TNIP1: variants seen among roughly 807,000 people sequenced by gnomAD.
TNIP1 encodes TNFAIP3 interacting protein 1, also known as TNFAIP3-interacting protein 1.
In TNIP1, 22 loss-of-function variants were observed where a neutral mutation model predicts 86.6. That is an observed-to-expected ratio of 0.25 (90% confidence interval 0.18 to 0.36). TNIP1 has a LOEUF of 0.36. Ranked by LOEUF, TNIP1 falls within the 10% of genes least tolerant of loss-of-function variation. The pLI, the probability that TNIP1 is intolerant of heterozygous loss-of-function variation, is 1.00. For synonymous variants in TNIP1, 294 were observed against 313.0 expected, an observed-to-expected ratio of 0.94 and a Z score of 0.64; for missense variants, 709 against 820.6, an observed-to-expected ratio of 0.86 and a Z score of 1.66.
intron 11 of TNIP1, among the ~76,000 whole-genome samples, chr5:151,039,558 T>C (rs1758150960): frequency 6.6e-6 from 1 of 152,130 alleles, no homozygotes; most frequent in African/African-American, 2.4e-5. Flanking sequence ...CTGTCACAGG[T>C]ACGGGGTTCC....
At chr5:151,032,740 AG>A (rs1427628364) in intron 16 of TNIP1, 3 of 275,056 alleles carry the variant, frequency 1.1e-5, no homozygotes, top group Non-Finnish European at 2.1e-5. Flanking sequence ...GTAATGGTCC[AG>A]GGGAGAGCTG....
chr5:151,033,127 CAAAAA>C (rs11375507), intron 16 of TNIP1, among the ~76,000 whole-genome samples: 5 of 78,762 alleles, frequency 6.3e-5, no homozygotes, highest in African/African-American at 2.1e-4. Flanking sequence ...AATTCCATCT[CAAAAA>C]AAAAAAAAAA....
chr5:151,063,310 AT>A (rs1761821318), intron 3 of TNIP1, among the ~76,000 whole-genome samples: 1 of 152,156 alleles, frequency 6.6e-6, no homozygotes, highest in African/African-American at 2.4e-5. Flanking sequence ...AATATTAAAT[AT>A]GCTGATAAAG....
At chr5:151,064,632 C>T (rs1344531320) in intron 2 of TNIP1, among the ~76,000 whole-genome samples, 1 of 152,268 alleles carries the variant, frequency 6.6e-6, no homozygotes, top group East Asian at 1.9e-4. Flanking sequence ...CCCCATCTCT[C>T]GTGCCCCAGA....
chr5:151,034,902 G>A (rs572637250), intron 15 of TNIP1, 100 bp downstream of exon 15: 4 of 1,327,830 alleles, frequency 3.0e-6, no homozygotes, highest in East Asian at 4.7e-5. Context: ...GTTAGCAGAG[G>A]ATGTCCCCAC....
chr5:151,076,024 T>C (rs1353676165), intron 1 of TNIP1, among the ~76,000 whole-genome samples: 1 of 152,238 alleles, frequency 6.6e-6, no homozygotes, highest in Non-Finnish European at 1.5e-5. Context: ...AGGAACAGCC[T>C]CAGGGTGAGG....
rs56018242 is a variant in TNIP1, at chr5:151,066,341, C to A, written c.-36-1210G>T. Among the ~76,000 whole-genome samples, 858 of 152,302 alleles carry A rather than the reference C, an allele frequency of 5.6e-3. 7 individuals carry two copies. The highest frequency in any genetic ancestry group is 0.02 in the African/African-American group (818 of 41,556). ...AACACCGAGCCAGCCTCCAGCCCTCCAAATAGCTCTCCAGCATGAAAGGGC... is the reference window on the plus strand; with the variant it reads ...AACACCGAGCCAGCCTCCAGCCCTCAAAATAGCTCTCCAGCATGAAAGGGC... On this transcript the variant is annotated intron_variant, in intron 1 of 17. Coordinates refer to ENST00000521591, the MANE Select transcript of TNIP1 (RefSeq NM_006058.5).
At chr5:151,078,466 A>G (rs1055722562) in intron 1 of TNIP1, 2 of 152,252 alleles carry the variant, frequency 1.3e-5, no homozygotes, top group African/African-American at 2.4e-5. Context: ...AAAGACAGTA[A>G]ACAAATAAAC....
In TNIP1 at chr5:151,035,044, C is replaced by G. The variant is rs1432949808; in HGVS notation, c.1545G>C (p.Glu515Asp). 3.7e-6 allele frequency: 6 copies of G among 1,613,970 alleles called. No homozygotes were observed. The East Asian group carries it at 8.9e-5, about 24-fold the overall frequency. ...NAQLKAFKDE[E>D]KAREALRQQK... ...GCTGTCTGAGGGCTTCTCTTGCCTT[C>G]TCCTCATCTTTGAATGCTTTTAGCT... The change falls in exon 15 of 18, where the codon GAG (glutamate) becomes GAC (aspartate). Residue 515 changes from glutamate (E) to aspartate (D), a missense_variant. Glu to Asp is a conservative substitution (Grantham distance 45, BLOSUM62 2). Transcript: ENST00000521591.
intron 11 of TNIP1, 22 bp from the exon 12 acceptor site, chr5:151,039,247 T>C (rs1425283421): frequency 2.5e-6 from 4 of 1,606,210 alleles, no homozygotes; most frequent in Non-Finnish European, 3.4e-6. Flanking sequence ...ACAAGGTTGG[T>C]AAGCTGGCTA....
At chr5:151,087,680 TCAAGTAAGG>T (rs1561556772), upstream of TNIP1, 4 of 152,142 alleles carry the variant, frequency 2.6e-5, no homozygotes, top group African/African-American at 4.8e-5. Context: ...CATTTGGATG[TCAAGTAAGG>T]CCTTAGAAAC....
chr5:151,044,119 T>C (rs1370137029), intron 9 of TNIP1, among the ~76,000 whole-genome samples: 2 of 152,146 alleles, frequency 1.3e-5, no homozygotes, highest in East Asian at 3.9e-4. Context: ...GGTATGATCA[T>C]GGCTCACTGC....
chr5:151,065,151 A>G lies in TNIP1; in HGVS notation c.-36-20T>C, dbSNP rs1364575567. ...GCCTGGCTGTAAGGACAACAGCAGCATATCAGCAGGCTGGCCAGGCCATGG... is the reference window on the plus strand; with the variant it reads ...GCCTGGCTGTAAGGACAACAGCAGCGTATCAGCAGGCTGGCCAGGCCATGG... On this transcript the variant is annotated intron_variant, in intron 1 of 17. Transcript: ENST00000521591. The G allele has an allele frequency of 2.5e-6, 4 of 1,590,366 alleles. No individual in the cohort carries two copies. Among genetic ancestry groups the G allele is most frequent in the South Asian group, 1.1e-5 (1 of 90,050 alleles).
chr5:151,045,318 G>C (rs1032621630), intron 9 of TNIP1, among the ~76,000 whole-genome samples: 1 of 152,152 alleles, frequency 6.6e-6, no homozygotes, highest in African/African-American at 2.4e-5. Context: ...CCGAACCTCT[G>C]ACCTCAGGTG....
chr5:151,056,335 C>A (rs979834398), intron 6 of TNIP1, among the ~76,000 whole-genome samples: 17 of 152,168 alleles, frequency 1.1e-4, no homozygotes, highest in Non-Finnish European at 2.2e-4. Flanking sequence ...AGGTTCCAAT[C>A]CCTACTTCAC....
intron 4 of TNIP1, 34 bp from the exon 5 acceptor site, chr5:151,060,429 G>GA: frequency 6.2e-7 from 1 of 1,605,508 alleles, no homozygotes; most frequent in Non-Finnish European, 8.5e-7. Flanking sequence ...CTGCCCGAGA[G>GA]AAAAACAGCT....
intron 1 of TNIP1, among the ~76,000 whole-genome samples, chr5:151,075,754 C>T (rs950807133): frequency 9.2e-5 from 14 of 152,226 alleles, no homozygotes; most frequent in African/African-American, 2.9e-4. Context: ...CTGACTATAG[C>T]GAAGGCAAAG....
chr5:151,069,443 G>A (rs1234415439), intron 1 of TNIP1, among the ~76,000 whole-genome samples: 3 of 152,164 alleles, frequency 2.0e-5, no homozygotes, highest in Non-Finnish European at 2.9e-5. Context: ...TGGGAAGAAG[G>A]CAGGGCTGAT....
At chr5:151,059,828 A>AGAGAGAGAGTGTGT (rs1554076446) in intron 5 of TNIP1, among the ~76,000 whole-genome samples, 20 of 56,400 alleles carry the variant, frequency 3.5e-4, no homozygotes, top group Non-Finnish European at 5.5e-4. Flanking sequence ...AGAGAGAGAG[A>AGAGAGAGAGTGTGT]GTGTGTGTGT....
Sources: gnomAD v4.1 joint callset for allele counts (sites outside exome capture counted in the v4.1 genomes callset) on GRCh38, gnomAD v4.1.1 for gene constraint, MANE v1.5 for transcripts, NCBI Gene and HGNC (gene_info 2026-07-23, HGNC 2026-07-21) for gene names.